Variants in LGR4 observed in about 807,000 individuals in gnomAD.
LGR4 encodes leucine-rich repeat-containing G protein-coupled receptor 4.
Under a neutral mutation model 84.8 loss-of-function variants are expected in LGR4, and 44 were observed. That is an observed-to-expected ratio of 0.52 (90% CI 0.41 to 0.67). LGR4 has a LOEUF of 0.67. LGR4 is among the 30% of genes least tolerant of loss of function. LGR4 has a pLI of 0.00. For synonymous variants in LGR4, 429 were observed against 434.3 expected (o/e 0.99, Z 0.15); for missense variants, 1,032 against 1,131.4 (o/e 0.91, Z 1.26).
chr11:27,467,820 A>T (rs1430531105), intron 1 of LGR4, among the ~76,000 whole-genome samples: 1 of 152,188 alleles, frequency 6.6e-6, no homozygotes, highest in African/African-American at 2.4e-5. Context: ...TTGGAAAATA[A>T]AGGACCTATA....
At chr11:27,386,608 C>T (rs1203920906) in intron 4 of LGR4, among the ~76,000 whole-genome samples, 2 of 152,178 alleles carry the variant, frequency 1.3e-5, no homozygotes, top group African/African-American at 4.8e-5. Flanking sequence ...GCTGTTCCAA[C>T]TTCAGTTCCT....
chr11:27,430,194 A>C (rs760990997), intron 1 of LGR4, among the ~76,000 whole-genome samples: 10 of 152,174 alleles, frequency 6.6e-5, no homozygotes, highest in Non-Finnish European at 1.3e-4. Context: ...ATTCAAAGAC[A>C]CCATCACTTA....
At chr11:27,465,883 A>G (rs929019542) in intron 1 of LGR4, among the ~76,000 whole-genome samples, 17 of 152,228 alleles carry the variant, frequency 1.1e-4, no homozygotes, top group African/African-American at 4.1e-4. Context: ...CTTCACTGAC[A>G]GGATTTACAA....
intron 1 of LGR4, among the ~76,000 whole-genome samples, chr11:27,454,397 T>C (rs967030037): frequency 5.3e-5 from 8 of 152,218 alleles, no homozygotes; most frequent in African/African-American, 1.9e-4. Flanking sequence ...CTGTCACAGA[T>C]ACTTTTGGGT....
intron 1 of LGR4, among the ~76,000 whole-genome samples, chr11:27,436,923 G>C (rs573197869): frequency 6.6e-6 from 1 of 152,094 alleles, no homozygotes; most frequent in Non-Finnish European, 1.5e-5. Context: ...GGTGTTGAAG[G>C]GAGATGGAGG....
chr11:27,436,560 T>G (rs1864215506), intron 1 of LGR4, among the ~76,000 whole-genome samples: 1 of 152,200 alleles, frequency 6.6e-6, no homozygotes, highest in South Asian at 2.1e-4. Flanking sequence ...AGACAACACT[T>G]ATATAACTAA....
chr11:27,431,743 T>C (rs1219645642), intron 1 of LGR4, among the ~76,000 whole-genome samples: 1 of 152,210 alleles, frequency 6.6e-6, no homozygotes, highest in East Asian at 1.9e-4. Flanking sequence ...ATGACCAATC[T>C]TCAAGAGCAC....
chr11:27,463,735 G>A (rs897915833), intron 1 of LGR4, among the ~76,000 whole-genome samples: 6 of 151,922 alleles, frequency 3.9e-5, no homozygotes, highest in East Asian at 1.9e-4. Flanking sequence ...GCAGTGAACC[G>A]AGATCGTGCC....
intron 1 of LGR4, among the ~76,000 whole-genome samples, chr11:27,413,461 C>T (rs1863749265): frequency 6.6e-6 from 1 of 152,086 alleles, no homozygotes; most frequent in Admixed American, 6.6e-5. Context: ...AAAGAAAACT[C>T]ACCCAGCAAT....
intron 1 of LGR4, among the ~76,000 whole-genome samples, chr11:27,436,072 C>T (rs990373071): frequency 2.6e-5 from 4 of 151,792 alleles, no homozygotes; most frequent in Non-Finnish European, 4.4e-5. Context: ...CTACCACGCC[C>T]GGCTAATTTT....
At chr11:27,399,160 C>G (rs1006654339) in intron 2 of LGR4, among the ~76,000 whole-genome samples, 2 of 152,190 alleles carry the variant, frequency 1.3e-5, no homozygotes, top group African/African-American at 4.8e-5. Context: ...ATCCACCCCC[C>G]TCAGCCTGCC....
intron 2 of LGR4, among the ~76,000 whole-genome samples, chr11:27,408,720 A>T (rs2133394120): frequency 6.6e-6 from 1 of 152,204 alleles, no homozygotes; most frequent in East Asian, 1.9e-4. Flanking sequence ...AGAAACTCCA[A>T]CTTCTACCCC....
chr11:27,455,965 C>T (rs1452395027), intron 1 of LGR4, among the ~76,000 whole-genome samples: 2 of 152,084 alleles, frequency 1.3e-5, no homozygotes, highest in Admixed American at 6.5e-5. Context: ...CATTTAGTGC[C>T]TGGCATTCAA....
intron 2 of LGR4, among the ~76,000 whole-genome samples, chr11:27,393,968 C>T (rs1351297842): frequency 1.9e-5 from 2 of 107,354 alleles, no homozygotes; most frequent in Non-Finnish European, 3.7e-5. Flanking sequence ...GGGAAGGGGA[C>T]AGAAAAGCAA....
chr11:27,417,184 G>T (rs765517072), intron 1 of LGR4, among the ~76,000 whole-genome samples: 3 of 151,912 alleles, frequency 2.0e-5, no homozygotes, highest in Non-Finnish European at 4.4e-5. Context: ...TTATCTGGCA[G>T]TTTAAAAAGT....
intron 1 of LGR4, among the ~76,000 whole-genome samples, chr11:27,448,621 T>C (rs1346108342): frequency 6.6e-6 from 1 of 152,200 alleles, no homozygotes; most frequent in South Asian, 2.1e-4. Flanking sequence ...AAAGAATGTA[T>C]GGAAACAAAA....
chr11:27,391,124 G>C lies in LGR4; in HGVS notation c.371C>G (p.Ala124Gly), dbSNP rs768029430. The change falls in exon 4 of 18, where the codon GCC becomes GGC. Residue 124 changes from alanine (A) to glycine (G), a missense_variant. Ala to Gly is a moderately conservative substitution (Grantham distance 60). Transcript: ENST00000379214. Reference protein sequence around the residue: ...NNQLKTVPSEAIRGLSALQSL... With the variant: ...NNQLKTVPSEGIRGLSALQSL... ...CTGCAAAGCACTCAGCCCTCGAATG[G>C]CTTCACTGGGTACTGTTTTCAACTG... 1 of 1,609,986 alleles carries C rather than the reference G, an allele frequency of 6.2e-7. No individual in the cohort carries two copies. The highest frequency in any genetic ancestry group is 1.1e-5 in the South Asian group (1 of 90,300).
chr11:27,427,201 A>T (rs1301601247), intron 1 of LGR4, among the ~76,000 whole-genome samples: 1 of 152,218 alleles, frequency 6.6e-6, no homozygotes, highest in Non-Finnish European at 1.5e-5. Context: ...TAGTATGTTC[A>T]GTTTTACTTA....
In LGR4 at chr11:27,470,867, G is replaced by C. The variant is rs539051607; in HGVS notation, c.185+1251C>G. On this transcript the variant is annotated intron_variant, in intron 1 of 17. Transcript: ENST00000379214. ...AAAAGTCCATCCTGAGAGGGCAAGC[G>C]GAACACCTTTGCCACCACCCACCTG... 5.3e-5 allele frequency among the ~76,000 whole-genome samples: 8 copies of C among 152,158 alleles called. No individual in the cohort carries two copies. In the East Asian group the frequency reaches 1.6e-3, roughly 29 times the overall value.
Sources: allele counts gnomAD v4.1 joint callset (sites outside exome capture counted in the v4.1 genomes callset), GRCh38; gene constraint gnomAD v4.1.1; transcripts MANE v1.5; gene names NCBI Gene and HGNC (gene_info 2026-07-23, HGNC 2026-07-21).